The following CRACR2A variants were observed in gnomAD, a reference collection of about 807,000 sequenced individuals.
The protein encoded by CRACR2A is calcium release activated channel regulator 2A.
A neutral mutation model predicts 90.5 loss-of-function variants in CRACR2A; 79 were observed. The ratio of observed to expected loss-of-function variants is 0.87; its 90% CI spans 0.73 to 1.05. The LOEUF (loss-of-function observed/expected upper bound fraction) is 1.05, where lower values mean the gene tolerates loss of function less well. CRACR2A is among the 50% of genes least tolerant of loss of function. The probability of loss-of-function intolerance (pLI) is 0.00; values close to 1 mark genes in which losing one functional copy is unlikely to be tolerated. For synonymous variants in CRACR2A, 338 were observed against 356.7 expected (o/e 0.95, Z 0.59); for missense variants, 823 against 897.2 (o/e 0.92, Z 1.06).
At chr12:3,739,890 C>T (rs1946499301) in intron 1 of CRACR2A, among the ~76,000 whole-genome samples, 1 of 150,286 alleles carries the variant, frequency 6.7e-6, no homozygotes, top group African/African-American at 2.5e-5. Context: ...GCCGAGATCA[C>T]GCTACAGCAC....
chr12:3,642,552 A>C (rs1944593977), intron 12 of CRACR2A, among the ~76,000 whole-genome samples: 2 of 152,006 alleles, frequency 1.3e-5, no homozygotes, highest in Middle Eastern at 3.4e-3. Flanking sequence ...GGCATAAAAA[A>C]CTCTGTGAAT....
At chr12:3,742,413 T>G (rs1462233657) in intron 1 of CRACR2A, among the ~76,000 whole-genome samples, 1 of 152,178 alleles carries the variant, frequency 6.6e-6, no homozygotes, top group Non-Finnish European at 1.5e-5. Context: ...CCCAAATCTG[T>G]GGTGATTCTA....
chr12:3,631,827 G>A (rs1944380729), intron 15 of CRACR2A, among the ~76,000 whole-genome samples: 1 of 152,224 alleles, frequency 6.6e-6, no homozygotes. Flanking sequence ...GTAGGAGAAA[G>A]AAAATGGAGT....
intron 19 of CRACR2A, 94 bp downstream of exon 19, chr12:3,616,860 G>GA: frequency 1.0e-6 from 1 of 972,574 alleles, no homozygotes; most frequent in East Asian, 2.6e-5. Context: ...GGGGGTCAGA[G>GA]GTGTGGCCTG....
chr12:3,662,231 G>C (rs1945050712), intron 7 of CRACR2A, among the ~76,000 whole-genome samples: 1 of 152,212 alleles, frequency 6.6e-6, no homozygotes. Context: ...TCTGCTGTGA[G>C]ACTCTCCAGG....
intron 1 of CRACR2A, among the ~76,000 whole-genome samples, chr12:3,743,171 T>A (rs933093513): frequency 9.8e-5 from 15 of 152,372 alleles, no homozygotes; most frequent in African/African-American, 2.2e-4. Flanking sequence ...GTACATTTTT[T>A]AAAAATACGT....
At chr12:3,726,686 G>C (rs932619294) in intron 2 of CRACR2A, 1 of 152,124 alleles carries the variant, frequency 6.6e-6, no homozygotes, top group African/African-American at 2.4e-5. Context: ...TGTCTCGTGA[G>C]CTCAGTCTTA....
At position 3,713,327 on chromosome 12, in the gene CRACR2A, A is replaced by G. The variant is rs968704961; in HGVS notation, c.-117-10T>C. The stretch of plus-strand genomic sequence containing the variant: ...GTGACTTGAATTCCACCTAGGAAAC[A>G]CACAAGAGATGAATCACACCTTATT... On this transcript the variant is annotated splice_polypyrimidine_tract_variant and intron_variant, in intron 2 of 19. Transcript: ENST00000440314. 1 of 984,350 alleles carries G rather than the reference A, an allele frequency of 1.0e-6. No homozygotes were observed. The highest frequency in any genetic ancestry group is 1.2e-6 in the Non-Finnish European group (1 of 829,154). 61.0% of individuals were successfully genotyped at this position (984,350 alleles called of 1,614,324 possible).
chr12:3,620,448 T>C (rs1944109657), intron 17 of CRACR2A, among the ~76,000 whole-genome samples: 1 of 152,244 alleles, frequency 6.6e-6, no homozygotes, highest in African/African-American at 2.4e-5. Context: ...CCAAAGTCCA[T>C]CTTACAGATA....
rs193159212 is a variant in CRACR2A at position 3,742,804 on chromosome 12, T to C, written c.-386-9594A>G. The stretch of plus-strand genomic sequence containing the variant: ...TTGAAGACAAAGCTCAGTTCCCACC[T>C]ACTTGGCTAAGCCCTCTCCAAGGCC... On this transcript the variant is annotated intron_variant, in intron 1 of 19. Coordinates refer to ENST00000440314, the MANE Select transcript of CRACR2A (RefSeq NM_001144958.2). Among the ~76,000 whole-genome samples, 137 of 152,336 alleles carry C rather than the reference T, an allele frequency of 9.0e-4. No individual in the cohort carries two copies. The South Asian group carries it at 9.5e-3, about 11-fold the overall frequency.
At position 3,644,618 on chromosome 12, in the gene CRACR2A, C is replaced by T; in HGVS notation, c.1141G>A (p.Asp381Asn). 6.4e-7 allele frequency: 1 copy of T among 1,551,606 alleles called. No individual in the cohort carries two copies. Among genetic ancestry groups the T allele is most frequent in the South Asian group, 1.2e-5 (1 of 84,060 alleles). The change falls in exon 12 of 20, where the codon GAT (aspartate) becomes AAT (asparagine). Residue 381 changes from aspartate to asparagine, a missense_variant. Transcript: ENST00000440314. ...ACCTGAAAACATATGTCCCGTTCAT[C>T]CCGAAGGTGCTTGTTCCTTTCCCTG... Reference protein sequence around the residue: ...FLRERNKHLRDERDICFQKNK... With the variant: ...FLRERNKHLRNERDICFQKNK...
chr12:3,678,334 A>T (rs1272759032), intron 6 of CRACR2A, among the ~76,000 whole-genome samples: 1 of 152,192 alleles, frequency 6.6e-6, no homozygotes, highest in Non-Finnish European at 1.5e-5. Context: ...TTTTCCAAGT[A>T]GTGGCCTGCT....
intron 7 of CRACR2A, among the ~76,000 whole-genome samples, chr12:3,665,532 T>A (rs775955751): frequency 1.6e-4 from 25 of 152,244 alleles, no homozygotes; most frequent in Non-Finnish European, 3.7e-4. Flanking sequence ...TGTGGAAGTG[T>A]CTAGCACAAT....
At chr12:3,639,196 C>T (rs1181123287) in intron 13 of CRACR2A, among the ~76,000 whole-genome samples, 1 of 152,106 alleles carries the variant, frequency 6.6e-6, no homozygotes, top group East Asian at 1.9e-4. Context: ...CTCCATCCAC[C>T]TCTCCTTCCT....
chr12:3,745,934 G>A (rs921159687), intron 1 of CRACR2A, among the ~76,000 whole-genome samples: 1 of 151,878 alleles, frequency 6.6e-6, no homozygotes, highest in Non-Finnish European at 1.5e-5. Context: ...TGTCTCTCTG[G>A]CCAGTGTCTC....
At chr12:3,709,585 C>T (rs903288360) in intron 3 of CRACR2A, among the ~76,000 whole-genome samples, 2 of 152,206 alleles carry the variant, frequency 1.3e-5, no homozygotes, top group African/African-American at 4.8e-5. Context: ...CACAACCAGC[C>T]TGGCCAACAT....
chr12:3,668,493 T>C (rs1376301136), intron 7 of CRACR2A, among the ~76,000 whole-genome samples: 1 of 152,104 alleles, frequency 6.6e-6, no homozygotes, highest in Non-Finnish European at 1.5e-5. Flanking sequence ...ATTCAAGAAC[T>C]ATGCAGCTGA....
intron 12 of CRACR2A, among the ~76,000 whole-genome samples, chr12:3,643,434 G>A (rs10848896): frequency 1.3e-5 from 2 of 151,828 alleles, no homozygotes; most frequent in South Asian, 2.1e-4. Flanking sequence ...CTTTCCTCGC[G>A]TGACAGCGGA....
chr12:3,628,262 C>A (rs1360233005), intron 15 of CRACR2A, among the ~76,000 whole-genome samples: 2 of 151,070 alleles, frequency 1.3e-5, no homozygotes, highest in African/African-American at 4.9e-5. Context: ...TCCTAAAATT[C>A]TTTCAGAGGC....
Sources: allele counts gnomAD v4.1 joint callset (sites outside exome capture counted in the v4.1 genomes callset), GRCh38; gene constraint gnomAD v4.1.1; transcripts MANE v1.5; gene names NCBI Gene and HGNC (gene_info 2026-07-23, HGNC 2026-07-21).